Variants in TSPAN32 observed in about 807,000 individuals in gnomAD.
TSPAN32 encodes the protein tetraspanin-32.
Under a neutral mutation model 42.7 loss-of-function variants are expected in TSPAN32, and 47 were observed. The observed-to-expected ratio is 1.10, with a 90% confidence interval of 0.87 to 1.40. The LOEUF (loss-of-function observed/expected upper bound fraction) is 1.40, where lower values mean the gene tolerates loss of function less well. TSPAN32 is among the 40% of genes most tolerant of loss of function. The pLI, the probability that TSPAN32 is intolerant of heterozygous loss-of-function variation, is 0.00. For synonymous variants in TSPAN32, 175 were observed against 175.9 expected (o/e 0.99, Z 0.04); for missense variants, 469 against 424.1 (o/e 1.11, Z -0.93).
At chr11:2,314,882 G>T in intron 6 of TSPAN32, 1 of 418,452 alleles carries the variant, frequency 2.4e-6, no homozygotes, top group Non-Finnish European at 4.4e-6. Flanking sequence ...ACTTCCCAAG[G>T]CCAGCTAAGT....
At chr11:2,309,791 G>T (rs1848357418) in intron 4 of TSPAN32, among the ~76,000 whole-genome samples, 1 of 152,086 alleles carries the variant, frequency 6.6e-6, no homozygotes, top group Admixed American at 6.5e-5. Flanking sequence ...GAGTGTGGTG[G>T]TCCCCACCGT....
At position 2,312,743 on chromosome 11, in the gene TSPAN32, C is replaced by T. The variant is rs1003066925; in HGVS notation, c.355-911C>T. Among the ~76,000 whole-genome samples, 3 of 152,182 alleles carry T rather than the reference C, an allele frequency of 2.0e-5. No homozygotes were observed. In the South Asian group the frequency reaches 6.2e-4, roughly 31 times the overall value. On this transcript the variant is annotated intron_variant, in intron 4 of 9. Transcript: ENST00000182290. ...GCTAGAGCGGGCCTGGGGCTTCCAT[C>T]CTCCCCCAGCCCTTTGGGGCAGCTG...
At position 2,318,124 on chromosome 11, in the gene TSPAN32, A is replaced by G; in HGVS notation, c.*200A>G. On this transcript the variant is annotated 3_prime_UTR_variant, in exon 10 of 10. Transcript: ENST00000182290. The surrounding 1 kb of genome is among the most constrained non-coding windows in gnomAD (Gnocchi z 4.2). ...CAAATTGTGGTCAAATATACATCAC[A>G]TCAAATTTACCATCTTAACCATTGT... is the stretch of plus-strand genomic sequence containing the variant. 1 of 553,114 alleles carries G rather than the reference A, an allele frequency of 1.8e-6. No homozygotes were observed. 34.3% of individuals were successfully genotyped at this position (553,114 alleles called of 1,614,324 possible).
intron 2 of TSPAN32, chr11:2,303,351 G>A (rs1367523472): frequency 1.1e-5 from 2 of 183,530 alleles, no homozygotes; most frequent in Non-Finnish European, 1.2e-5. Context: ...TTCCACTCAG[G>A]ACCTGGGATG....
At position 2,310,885 on chromosome 11, in the gene TSPAN32, G is replaced by A. The variant is rs116025639; in HGVS notation, c.354+2075G>A. On this transcript the variant is annotated intron_variant, in intron 4 of 9. Transcript: ENST00000182290. ...GGCCCGGGCCCTGAGCAGGAGGGGC[G>A]GCTGCACATCCCGTCTCCTGCCCTC... Among the ~76,000 whole-genome samples the A allele has an allele frequency of 3.2e-3, 493 of 152,278 alleles. 1 individual carries two copies. Among genetic ancestry groups the A allele is most frequent in the African/African-American group, 0.011 (466 of 41,550 alleles).
chr11:2,315,625 G>A, intron 6 of TSPAN32: 1 of 1,183,740 alleles, frequency 8.4e-7, no homozygotes, highest in Non-Finnish European at 1.1e-6. Flanking sequence ...GGGGACAGGA[G>A]GGTGAGCCCT....
At chr11:2,305,194 G>C (rs2133297033) in intron 3 of TSPAN32, among the ~76,000 whole-genome samples, 1 of 152,356 alleles carries the variant, frequency 6.6e-6, no homozygotes, top group Admixed American at 6.5e-5. Flanking sequence ...CTGCTGCCGG[G>C]CCAACCAGCC....
At chr11:2,306,803 AGGGAAAAGGG>A (rs1848118295) in intron 3 of TSPAN32, 1 of 84,460 alleles carries the variant, frequency 1.2e-5, no homozygotes, top group Admixed American at 1.2e-4. Context: ...GAGGAAAAGG[AGGGAAAAGGG>A]GGGAGAAGGG....
At chr11:2,307,780 C>T (rs966195874) in intron 3 of TSPAN32, among the ~76,000 whole-genome samples, 1 of 152,016 alleles carries the variant, frequency 6.6e-6, no homozygotes, top group African/African-American at 2.4e-5. Context: ...GGGGCACGGG[C>T]ATCAGTGAGA....
chr11:2,302,557 G>T (rs1021919498), intron 1 of TSPAN32, among the ~76,000 whole-genome samples: 2 of 152,236 alleles, frequency 1.3e-5, no homozygotes, highest in African/African-American at 4.8e-5. Flanking sequence ...CAGGGGTGGG[G>T]CTCACTCCCA....
chr11:2,316,038 AC>A, intron 6 of TSPAN32, 190 bp from the exon 7 acceptor site: 1 of 1,534,430 alleles, frequency 6.5e-7, no homozygotes, highest in South Asian at 1.2e-5. Context: ...GCCCTGTCCC[AC>A]TGGGCTTCAC....
At chr11:2,315,027 GAGA>G (rs1480347566) in intron 6 of TSPAN32, 17 of 267,682 alleles carry the variant, frequency 6.4e-5, no homozygotes, top group East Asian at 4.3e-4. Flanking sequence ...GCACTCAGAG[GAGA>G]AGAAGTAGGC....
Position 2,313,614 on chromosome 11 carries a change from C to A in TSPAN32, c.355-40C>A, listed in dbSNP as rs773648396. ...GGGAGGGGGCTGTGTCCCCGGATCT[C>A]CCACCAGGGCCAGGACCTCCCTGTG... On this transcript the variant is annotated intron_variant, in intron 4 of 9. Coordinates refer to ENST00000182290, the MANE Select transcript of TSPAN32 (RefSeq NM_139022.3). The surrounding 1 kb of genome is among the most constrained non-coding windows in gnomAD (Gnocchi z 9.1). 1 of 1,527,798 alleles carries A rather than the reference C, an allele frequency of 6.5e-7. No homozygotes were observed. The highest frequency in any genetic ancestry group is 8.9e-7 in the Non-Finnish European group (1 of 1,122,686). 94.6% of individuals were successfully genotyped at this position (1,527,798 alleles called of 1,614,324 possible).
intron 6 of TSPAN32, chr11:2,315,949 G>A: frequency 3.3e-6 from 5 of 1,526,628 alleles, no homozygotes; most frequent in Non-Finnish European, 1.8e-6. Context: ...CCAACGTGTG[G>A]CCCAACATGG....
chr11:2,314,976 A>G, intron 6 of TSPAN32: 1 of 297,716 alleles, frequency 3.4e-6, no homozygotes, highest in South Asian at 2.9e-5. Context: ...TCTAGGGGGA[A>G]GGGTGCAGGC....
In TSPAN32 at chr11:2,313,005, G is replaced by A. The variant is rs1007934727; in HGVS notation, c.355-649G>A. ...AGAGCATCTTGCTTAGGAGGGTGGAGACATGAGGTCCAGGTGTTGGTGAGG... is the reference window on the plus strand; with the variant it reads ...AGAGCATCTTGCTTAGGAGGGTGGAAACATGAGGTCCAGGTGTTGGTGAGG... On this transcript the variant is annotated intron_variant, in intron 4 of 9. Coordinates refer to ENST00000182290, the MANE Select transcript of TSPAN32 (RefSeq NM_139022.3). This position sits in a 1 kb window ranked among gnomAD's most constrained non-coding sequence, Gnocchi z 9.1. 2.6e-5 allele frequency among the ~76,000 whole-genome samples: 4 copies of A among 152,196 alleles called. No individual in the cohort carries two copies. Among genetic ancestry groups the A allele is most frequent in the African/African-American group, 7.2e-5 (3 of 41,450 alleles).
At chr11:2,315,821 A>G (rs1478952139) in intron 6 of TSPAN32, 1 of 1,339,590 alleles carries the variant, frequency 7.5e-7, no homozygotes, top group South Asian at 1.2e-5. Flanking sequence ...CCCCTCCACC[A>G]GCTGGCTTCC....
In TSPAN32 at chr11:2,304,416, C is replaced by T. The variant is rs1025923804; in HGVS notation, c.279+212C>T. ...CCCAGGGATGCTAGCCAGCCGAGAC[C>T]CCCTACCTGGGTAGCCAAGGCCCCT... On this transcript the variant is annotated intron_variant, in intron 3 of 9. Transcript: ENST00000182290. This position sits in a 1 kb window ranked among gnomAD's most constrained non-coding sequence, Gnocchi z 4.8. Among the ~76,000 whole-genome samples, 3 of 152,066 alleles carry T rather than the reference C, an allele frequency of 2.0e-5. No individual in the cohort carries two copies. Among genetic ancestry groups the T allele is most frequent in the Non-Finnish European group, 2.9e-5 (2 of 67,976 alleles).
At chr11:2,306,694 G>C (rs1848110571) in intron 3 of TSPAN32, among the ~76,000 whole-genome samples, 1 of 151,442 alleles carries the variant, frequency 6.6e-6, no homozygotes, top group Admixed American at 6.6e-5. Context: ...ATAGCTTCCA[G>C]ATGGGGATGG....
Sources: gnomAD v4.1 joint callset for allele counts (sites outside exome capture counted in the v4.1 genomes callset) on GRCh38, gnomAD v4.1.1 for gene constraint, Gnocchi (gnomAD v3.1) non-coding constraint, MANE v1.5 for transcripts, NCBI Gene and HGNC (gene_info 2026-07-23, HGNC 2026-07-21) for gene names.